UBN2: variants seen among roughly 807,000 people sequenced by gnomAD.
UBN2 encodes the protein ubinuclein-2.
UBN2 carries 35 observed loss-of-function variants against 120.2 expected under a neutral mutation model. The ratio of observed to expected loss-of-function variants is 0.29; its 90% CI spans 0.22 to 0.39. The LOEUF (loss-of-function observed/expected upper bound fraction) is 0.39. Among genes scored for constraint, UBN2 ranks in the 10% least tolerant of loss-of-function variants. UBN2 has a pLI of 1.00. For missense variants in UBN2, 1,693 were observed against 1,663.2 expected (o/e 1.02, Z -0.31); for synonymous variants, 661 against 648.7 (o/e 1.02, Z -0.29).
At chr7:139,260,061 A>G (rs924306959) in intron 5 of UBN2, among the ~76,000 whole-genome samples, 1 of 150,442 alleles carries the variant, frequency 6.6e-6, no homozygotes, top group African/African-American at 2.4e-5. Flanking sequence ...GAGCCACTGC[A>G]CCCAGCCAAA....
chr7:139,233,164 T>G (rs1796074461), intron 1 of UBN2, among the ~76,000 whole-genome samples: 1 of 152,204 alleles, frequency 6.6e-6, no homozygotes, highest in Non-Finnish European at 1.5e-5. Flanking sequence ...TGATCATTAT[T>G]TAGAAATGTT....
the UBN2 span, among the ~76,000 whole-genome samples, chr7:139,330,110 G>A: frequency 5.3e-5 from 8 of 152,256 alleles, no homozygotes; most frequent in Non-Finnish European, 1.0e-4. Flanking sequence ...TTGTAGTGAA[G>A]CCCTTACAAC....
chr7:139,325,623 T>C, the UBN2 span, among the ~76,000 whole-genome samples: 1 of 152,168 alleles, frequency 6.6e-6, no homozygotes, highest in Non-Finnish European at 1.5e-5. Flanking sequence ...CAGAAGTGCA[T>C]GCACACGCAT....
chr7:139,257,986 C>T (rs1796812487), intron 3 of UBN2, among the ~76,000 whole-genome samples: 1 of 152,164 alleles, frequency 6.6e-6, no homozygotes, highest in Non-Finnish European at 1.5e-5. Flanking sequence ...GTTGGCCAGG[C>T]TGGTCTCGAA....
In UBN2 at chr7:139,282,075, C is replaced by T; in HGVS notation, c.2118+20C>T. On this transcript the variant is annotated intron_variant, in intron 14 of 17. Transcript: ENST00000473989. ...CTTAAGGTAAGTGCTATGGTTGTAT[C>T]AATCAGTATGTAATATAACACTCTA... 1 of 1,610,992 alleles carries T rather than the reference C, an allele frequency of 6.2e-7. No homozygotes were observed. The highest frequency in any genetic ancestry group is 8.5e-7 in the Non-Finnish European group (1 of 1,177,414).
intron 7 of UBN2, among the ~76,000 whole-genome samples, chr7:139,267,097 A>G (rs1357555412): frequency 6.6e-6 from 1 of 152,236 alleles, no homozygotes; most frequent in Non-Finnish European, 1.5e-5. Context: ...GATTTTAACC[A>G]TTGTTTACAA....
At chr7:139,316,099 AAAAAAAAAG>A in the UBN2 span, among the ~76,000 whole-genome samples, 43 of 139,782 alleles carry the variant, frequency 3.1e-4, 4 homozygotes, top group Admixed American at 1.0e-3. Context: ...AAAAAAAAAA[AAAAAAAAAG>A]GGGTTCCAGT....
Position 139,283,743 on chromosome 7 carries a change from C to A in UBN2, c.2838C>A (p.Thr946=). ...QQNYVSPLQA[T]ISKSQTNPVV... ...ACTATGTGTCTCCATTACAGGCCACCATCAGTAAATCCCAGACCAACCCCG... is the reference window on the plus strand; with the variant it reads ...ACTATGTGTCTCCATTACAGGCCACAATCAGTAAATCCCAGACCAACCCCG... The change falls in exon 15 of 18, where the codon ACC becomes ACA. Residue 946 remains threonine, a synonymous_variant. Transcript: ENST00000473989. 6.2e-7 allele frequency: 1 copy of A among 1,613,756 alleles called. No homozygotes were observed.
At chr7:139,292,786 G>A (rs1797997157) in intron 15 of UBN2, among the ~76,000 whole-genome samples, 1 of 152,150 alleles carries the variant, frequency 6.6e-6, no homozygotes, top group Non-Finnish European at 1.5e-5. Context: ...GGCTCATGGC[G>A]AGGAAGAACA....
At chr7:139,252,155 T>A (rs1796639802) in intron 3 of UBN2, 98 bp downstream of exon 3, 3 of 988,838 alleles carry the variant, frequency 3.0e-6, no homozygotes, top group Admixed American at 4.1e-5. Flanking sequence ...TGAATGTTTT[T>A]ATTTGTGCTT....
At chr7:139,275,732 A>G (rs1238726095) in intron 11 of UBN2, among the ~76,000 whole-genome samples, 1 of 152,190 alleles carries the variant, frequency 6.6e-6, no homozygotes, top group Admixed American at 6.5e-5. Flanking sequence ...TTAGGAGGCC[A>G]AGGGCCACAG....
In UBN2 at chr7:139,269,157, C is replaced by T. The variant is rs187400969; in HGVS notation, c.1467-237C>T. ...CCAGGAGGTGGAGGTTCCAGTAAGC[C>T]GAGACTGCACCATTGCACTCCAACC... On this transcript the variant is annotated intron_variant, in intron 7 of 17. Coordinates refer to ENST00000473989, the MANE Select transcript of UBN2 (RefSeq NM_173569.4). Among the ~76,000 whole-genome samples, 371 of 152,004 alleles carry T rather than the reference C, an allele frequency of 2.4e-3. 4 individuals are homozygous for T. Among genetic ancestry groups the T allele is most frequent in the African/African-American group, 8.3e-3 (345 of 41,454 alleles).
At chr7:139,238,945 T>C (rs1796235928) in intron 2 of UBN2, among the ~76,000 whole-genome samples, 1 of 152,220 alleles carries the variant, frequency 6.6e-6, no homozygotes, top group African/African-American at 2.4e-5. Flanking sequence ...AATCCTAAAA[T>C]CCTAGCATGT....
At chr7:139,265,975 C>G (rs908533603) in intron 6 of UBN2, among the ~76,000 whole-genome samples, 4 of 151,886 alleles carry the variant, frequency 2.6e-5, no homozygotes, top group Non-Finnish European at 5.9e-5. Context: ...GAAACTTACA[C>G]AATACCCAGC....
At chr7:139,251,884 C>T in intron 2 of UBN2, 72 bp from the exon 3 acceptor site, 1 of 1,428,952 alleles carries the variant, frequency 7.0e-7, no homozygotes, top group Admixed American at 1.7e-5. Context: ...TTGAATTCTT[C>T]TAACAGGTCT....
intron 12 of UBN2, 163 bp downstream of exon 12, chr7:139,276,310 C>A: frequency 1.4e-6 from 1 of 696,234 alleles, no homozygotes; most frequent in Non-Finnish European, 2.5e-6. Context: ...AAATAATTGT[C>A]AGGGTACTCT....
chr7:139,315,273 G>A, the UBN2 span: 1 of 152,090 alleles, frequency 6.6e-6, no homozygotes, highest in Non-Finnish European at 1.5e-5. Context: ...CCGCGCCCGG[G>A]AGATATAATA....
intron 2 of UBN2, among the ~76,000 whole-genome samples, chr7:139,240,429 A>AATATATAT (rs201805771): frequency 7.5e-5 from 10 of 133,226 alleles, no homozygotes; most frequent in African/African-American, 2.3e-4. Context: ...ACCCAGCCTA[A>AATATATAT]ATATATATAT....
chr7:139,313,100 C>A (rs1160447555), downstream of UBN2, among the ~76,000 whole-genome samples: 3 of 151,614 alleles, frequency 2.0e-5, no homozygotes, highest in East Asian at 5.8e-4. Context: ...CTATGTTGGC[C>A]CAGCTAATTA....
Sources: gnomAD v4.1 joint callset for allele counts (sites outside exome capture counted in the v4.1 genomes callset) on GRCh38, gnomAD v4.1.1 for gene constraint, MANE v1.5 for transcripts, NCBI Gene and HGNC (gene_info 2026-07-23, HGNC 2026-07-21) for gene names.